The following ATP2B2 variants were observed in gnomAD, a reference collection of about 807,000 sequenced individuals.
ATP2B2 encodes plasma membrane calcium-transporting ATPase 2.
ATP2B2 carries 15 observed loss-of-function variants against 120.0 expected under a neutral mutation model. That is an observed-to-expected ratio of 0.12 (90% confidence interval 0.08 to 0.19). ATP2B2 has a LOEUF of 0.19. ATP2B2 is among the 10% of genes least tolerant of loss of function. The probability of loss-of-function intolerance (pLI) is 1.00; values close to 1 mark genes in which losing one functional copy is unlikely to be tolerated. For synonymous variants in ATP2B2, 694 were observed against 700.3 expected, an observed-to-expected ratio of 0.99 and a Z score of 0.14; for missense variants, 1,045 against 1,719.8, an observed-to-expected ratio of 0.61 and a Z score of 6.94.
At chr3:10,676,443 T>C (rs1481919675) in intron 1 of ATP2B2, among the ~76,000 whole-genome samples, 1 of 151,972 alleles carries the variant, frequency 6.6e-6, no homozygotes, top group Non-Finnish European at 1.5e-5. Flanking sequence ...AGAACTACCA[T>C]CATCCTGGCT....
chr3:10,697,520 G>A (rs928785892), intron 1 of ATP2B2, among the ~76,000 whole-genome samples: 2 of 152,100 alleles, frequency 1.3e-5, no homozygotes, highest in African/African-American at 2.4e-5. Flanking sequence ...AGGCTCTATC[G>A]CACTCTCCTC....
intron 1 of ATP2B2, among the ~76,000 whole-genome samples, chr3:10,502,626 G>A (rs2066440558): frequency 6.6e-6 from 1 of 152,226 alleles, no homozygotes; most frequent in South Asian, 2.1e-4. Flanking sequence ...GAAGGCATCT[G>A]TCTGCTTTGG....
At chr3:10,333,553 T>C (rs2060038533) in intron 22 of ATP2B2, among the ~76,000 whole-genome samples, 1 of 152,058 alleles carries the variant, frequency 6.6e-6, no homozygotes, top group Non-Finnish European at 1.5e-5. Flanking sequence ...GAGGCTGTGT[T>C]GTCCAAATGT....
chr3:10,478,625 T>C (rs553519759), intron 1 of ATP2B2, among the ~76,000 whole-genome samples: 1 of 152,330 alleles, frequency 6.6e-6, no homozygotes, highest in South Asian at 2.1e-4. Context: ...CTCCAGGTGG[T>C]CAGCATAGAA....
chr3:10,551,938 T>A (rs2067678737), intron 2 of ATP2B2, among the ~76,000 whole-genome samples: 1 of 152,228 alleles, frequency 6.6e-6, no homozygotes, highest in Admixed American at 6.5e-5. Flanking sequence ...TTGCGAACAT[T>A]AACGCTGCTT....
chr3:10,704,654 T>C (rs2125722351), intron 1 of ATP2B2, among the ~76,000 whole-genome samples: 1 of 152,340 alleles, frequency 6.6e-6, no homozygotes. Flanking sequence ...CCCCAATAGT[T>C]AGCTCCCTTT....
intron 14 of ATP2B2, among the ~76,000 whole-genome samples, chr3:10,356,583 A>C (rs2060737788): frequency 6.6e-6 from 1 of 151,888 alleles, no homozygotes; most frequent in South Asian, 2.1e-4. Context: ...TCTTCCATTC[A>C]CCTAAGGGAT....
chr3:10,537,624 A>G (rs2067348034), intron 2 of ATP2B2, among the ~76,000 whole-genome samples: 1 of 152,180 alleles, frequency 6.6e-6, no homozygotes. Context: ...CAATCAAGTC[A>G]TCTGCAAACA....
chr3:10,695,071 G>C (rs557389158), intron 1 of ATP2B2, among the ~76,000 whole-genome samples: 4 of 152,106 alleles, frequency 2.6e-5, no homozygotes, highest in Non-Finnish European at 5.9e-5. Flanking sequence ...TGACACTGCT[G>C]TATGAGTCTG....
At chr3:10,549,318 T>G (rs972775526) in intron 2 of ATP2B2, among the ~76,000 whole-genome samples, 1 of 152,102 alleles carries the variant, frequency 6.6e-6, no homozygotes, top group Non-Finnish European at 1.5e-5. Context: ...CCCTGGACTC[T>G]GAGAGCTCCC....
intron 1 of ATP2B2, among the ~76,000 whole-genome samples, chr3:10,691,804 A>C (rs2125714374): frequency 6.6e-6 from 1 of 152,326 alleles, no homozygotes; most frequent in African/African-American, 2.4e-5. Context: ...GGAAAAGTAG[A>C]TGATCCATGA....
At chr3:10,601,769 GACCCAC>G (rs1348634659) in intron 2 of ATP2B2, among the ~76,000 whole-genome samples, 2 of 152,202 alleles carry the variant, frequency 1.3e-5, no homozygotes, top group East Asian at 3.9e-4. Flanking sequence ...CTATGGGGGA[GACCCAC>G]ACCTTAGAAC....
chr3:10,409,158 T>G (rs958698532), intron 3 of ATP2B2, among the ~76,000 whole-genome samples: 1 of 152,264 alleles, frequency 6.6e-6, no homozygotes, highest in Non-Finnish European at 1.5e-5. Context: ...TCAAGGCTTA[T>G]TCAAGTCGTC....
chr3:10,353,550 C>T (rs1458280864), intron 14 of ATP2B2, among the ~76,000 whole-genome samples: 2 of 152,088 alleles, frequency 1.3e-5, no homozygotes, highest in African/African-American at 2.4e-5. Flanking sequence ...GGACTGGAGA[C>T]CATGAATTTG....
rs114254642 is a variant in ATP2B2 at position 10,698,342 on chromosome 3, A to C, written c.-460+9573T>G. Among the ~76,000 whole-genome samples, 772 of 152,286 alleles carry C rather than the reference A, an allele frequency of 5.1e-3. 7 individuals carry two copies. The highest frequency in any genetic ancestry group is 0.018 in the African/African-American group (745 of 41,554). On this transcript the variant is annotated intron_variant, in intron 1 of 21. Transcript: ENST00000646379. ...ATGCCTTCTGGTTGACAATGGCAGA[A>C]AGACAGAAGGACCATGGGTTTTGAT...
chr3:10,425,437 G>C (rs2063118092), intron 2 of ATP2B2, among the ~76,000 whole-genome samples: 1 of 152,124 alleles, frequency 6.6e-6, no homozygotes, highest in Non-Finnish European at 1.5e-5. Context: ...GTGGATTTGG[G>C]GACAAACATT....
chr3:10,555,888 CA>C lies in ATP2B2; in HGVS notation c.-414-21756del, dbSNP rs375852607. ...TCTCTGTGGCTTTCTTTGTGAGAGA[CA>C]GGTCAGAAGCCCTCTTATTTTATTT... On this transcript the variant is annotated intron_variant, in intron 2 of 21. Coordinates refer to the ATP2B2 transcript ENST00000646379. 6.6e-5 allele frequency among the ~76,000 whole-genome samples: 10 copies of C among 152,320 alleles called. No homozygotes were observed. The East Asian group carries it at 1.9e-3, about 29-fold the overall frequency.
At chr3:10,504,365 C>T (rs952925493) in intron 1 of ATP2B2, among the ~76,000 whole-genome samples, 2 of 152,210 alleles carry the variant, frequency 1.3e-5, no homozygotes, top group East Asian at 1.9e-4. Context: ...CCCAGCGATT[C>T]GGAGAGCAAT....
Position 10,328,941 on chromosome 3 carries a change from G to C in ATP2B2, c.3605C>G (p.Pro1202Arg). Residue 1202 changes from proline (P) to arginine (R), a missense_variant, in exon 23 of 23, where the codon CCG becomes CGG. This residue lies in a region of ATP2B2 where 211 missense variants were observed against 385.1 expected (regional missense o/e 0.55). Coordinates refer to ENST00000360273, the MANE Select transcript of ATP2B2 (RefSeq NM_001001331.4). ...EDAALKQNSSPPSSLNKNNSA... is the reference protein window; with the variant it reads ...EDAALKQNSSRPSSLNKNNSA... Reference sequence around the variant, plus strand: ...GTTGTTCTTGTTGAGGGATGACGGCGGGCTCGAGTTCTGCTTGAGCGCGGC... The same window carrying C: ...GTTGTTCTTGTTGAGGGATGACGGCCGGCTCGAGTTCTGCTTGAGCGCGGC... The C allele has an allele frequency of 6.2e-7, 1 of 1,613,924 alleles. No individual in the cohort carries two copies. The highest frequency in any genetic ancestry group is 1.1e-5 in the South Asian group (1 of 91,060).
Sources: allele counts gnomAD v4.1 joint callset (sites outside exome capture counted in the v4.1 genomes callset), GRCh38; gene constraint gnomAD v4.1.1; regional missense constraint gnomAD v4.1.1; transcripts MANE v1.5; gene names NCBI Gene and HGNC (gene_info 2026-07-23, HGNC 2026-07-21).